The following ADAMTS2 variants were observed in gnomAD, a reference collection of about 807,000 sequenced individuals.
ADAMTS2 encodes the protein A disintegrin and metalloproteinase with thrombospondin motifs 2.
In ADAMTS2, 50 loss-of-function variants were observed where a neutral mutation model predicts 123.0. The observed-to-expected ratio is 0.41, with a 90% CI of 0.32 to 0.51. The LOEUF (loss-of-function observed/expected upper bound fraction) is 0.51. Ranked by LOEUF, ADAMTS2 falls within the 20% of genes least tolerant of loss-of-function variation. The pLI, the probability that ADAMTS2 is intolerant of heterozygous loss-of-function variation, is 0.35. For synonymous variants in ADAMTS2, 678 were observed against 695.4 expected (o/e 0.98, Z 0.39); for missense variants, 1,494 against 1,705.2 (o/e 0.88, Z 2.18).
intron 3 of ADAMTS2, among the ~76,000 whole-genome samples, chr5:179,252,234 C>G (rs1304084999): frequency 6.6e-6 from 1 of 151,890 alleles, no homozygotes; most frequent in Non-Finnish European, 1.5e-5. Flanking sequence ...GGTCTCGAAC[C>G]CCTGAGCTCA....
chr5:179,281,790 T>G (rs1205318519), intron 2 of ADAMTS2, among the ~76,000 whole-genome samples: 3 of 152,182 alleles, frequency 2.0e-5, no homozygotes, highest in African/African-American at 7.2e-5. Context: ...AGGGTTCAAT[T>G]TCCCCTCATC....
In ADAMTS2 at chr5:179,158,787, G is replaced by A. The variant is rs372834434; in HGVS notation, c.1068C>T (p.His356=). The change falls in exon 6 of 22, where the codon CAC becomes CAT. Residue 356 remains histidine (H), a synonymous_variant. Coordinates refer to ENST00000251582, the MANE Select transcript of ADAMTS2 (RefSeq NM_014244.5). This position sits in a 1 kb window ranked among gnomAD's most constrained non-coding sequence, Gnocchi z 5.0. ...AYLQQKPDTG[H]DEYHDHAIFL... ...AGATGGCGTGATCGTGGTATTCATC[G>A]TGGCCCGTGTCTGGCTTCTGCTGGA... is the stretch of plus-strand genomic sequence containing the variant. 25 of 1,614,234 alleles carry A rather than the reference G, an allele frequency of 1.5e-5. No individual in the cohort carries two copies. The highest frequency in any genetic ancestry group is 5.3e-5 in the African/African-American group (4 of 75,064).
chr5:179,238,737 C>T (rs1765592273), intron 3 of ADAMTS2, among the ~76,000 whole-genome samples: 1 of 152,232 alleles, frequency 6.6e-6, no homozygotes, highest in East Asian at 1.9e-4. Context: ...GGCGCTGGGT[C>T]GTGTGGGGTC....
At chr5:179,337,065 G>A (rs1047935155) in intron 2 of ADAMTS2, among the ~76,000 whole-genome samples, 1 of 152,198 alleles carries the variant, frequency 6.6e-6, no homozygotes, top group African/African-American at 2.4e-5. Context: ...TCCGGGCTCG[G>A]TAATAACTTC....
At chr5:179,275,077 C>T (rs1364987042) in intron 2 of ADAMTS2, among the ~76,000 whole-genome samples, 2 of 152,070 alleles carry the variant, frequency 1.3e-5, no homozygotes, top group South Asian at 2.1e-4. Context: ...GCACGGTGCC[C>T]GGTGGCCCAT....
intron 10 of ADAMTS2, among the ~76,000 whole-genome samples, chr5:179,145,037 T>A (rs553687982): frequency 4.5e-4 from 69 of 152,152 alleles, no homozygotes; most frequent in African/African-American, 1.6e-3. Flanking sequence ...ACTCTTAGGA[T>A]TCAATAATAA....
Position 179,128,131 on chromosome 5 carries a change from A to C in ADAMTS2, c.2458-13T>G. On this transcript the variant is annotated splice_polypyrimidine_tract_variant and intron_variant, in intron 16 of 21. Transcript: ENST00000251582. This position sits in a 1 kb window ranked among gnomAD's most constrained non-coding sequence, Gnocchi z 4.9. The stretch of plus-strand genomic sequence containing the variant: ...CCACCGGGATGACCTGTGCCAGCCC[A>C]AGAGCCTTGATGTGCCTGACCTGCC... 6.2e-7 allele frequency: 1 copy of C among 1,612,518 alleles called. No individual in the cohort carries two copies. Among genetic ancestry groups the C allele is most frequent in the Non-Finnish European group, 8.5e-7 (1 of 1,179,964 alleles).
chr5:179,337,234 G>A (rs1433369601), intron 2 of ADAMTS2, among the ~76,000 whole-genome samples: 2 of 152,020 alleles, frequency 1.3e-5, no homozygotes, highest in Non-Finnish European at 2.9e-5. Context: ...TGAGGGGGCT[G>A]GGGTCCTCCT....
At chr5:179,159,364 G>A (rs372392828) in intron 5 of ADAMTS2, among the ~76,000 whole-genome samples, 6 of 152,158 alleles carry the variant, frequency 3.9e-5, no homozygotes, top group East Asian at 1.9e-4. Flanking sequence ...CACCTTATAC[G>A]TTCCCCCCGT....
At chr5:179,255,900 C>T (rs1484759218) in intron 3 of ADAMTS2, among the ~76,000 whole-genome samples, 1 of 152,136 alleles carries the variant, frequency 6.6e-6, no homozygotes, top group Non-Finnish European at 1.5e-5. Flanking sequence ...GCACTGTGAC[C>T]CTACTGGACC....
At chr5:179,251,030 A>G (rs962576975) in intron 3 of ADAMTS2, among the ~76,000 whole-genome samples, 1 of 152,178 alleles carries the variant, frequency 6.6e-6, no homozygotes, top group African/African-American at 2.4e-5. Flanking sequence ...AGCCTCATGC[A>G]TTTGCTCACT....
rs955332431 is a variant in ADAMTS2, at chr5:179,308,478, G to A, written c.534+35289C>T. On this transcript the variant is annotated intron_variant, in intron 2 of 21. Transcript: ENST00000251582. The surrounding 1 kb of genome is among the most constrained non-coding windows in gnomAD (Gnocchi z 6.6). ...CAGCCGCCACTGTTCACGAGCAAGGGTGCAGGGGCACCAGAGCCCACAGGA... is the reference window on the plus strand; with the variant it reads ...CAGCCGCCACTGTTCACGAGCAAGGATGCAGGGGCACCAGAGCCCACAGGA... 6.6e-6 allele frequency among the ~76,000 whole-genome samples: 1 copy of A among 152,200 alleles called. No homozygotes were observed. The highest frequency in any genetic ancestry group is 1.5e-5 in the Non-Finnish European group (1 of 68,028).
chr5:179,223,647 T>C (rs113062183), intron 3 of ADAMTS2, among the ~76,000 whole-genome samples: 6 of 23,326 alleles, frequency 2.6e-4, no homozygotes, highest in East Asian at 0.062. Flanking sequence ...CACACACACA[T>C]ACACTCACAG....
intron 5 of ADAMTS2, 131 bp from the exon 6 acceptor site, chr5:179,159,010 C>T (rs372378123): frequency 4.2e-5 from 52 of 1,238,492 alleles, no homozygotes; most frequent in South Asian, 3.9e-4. Flanking sequence ...AGGCCCTGCC[C>T]GGTCACTCTC....
At chr5:179,273,182 G>A (rs1766594692) in intron 2 of ADAMTS2, 118 bp from the exon 3 acceptor site, 1 of 1,483,264 alleles carries the variant, frequency 6.7e-7, no homozygotes, top group Non-Finnish European at 9.3e-7. Flanking sequence ...CAGCACCCCA[G>A]CTGGTGCTCA....
chr5:179,317,754 G>A lies in ADAMTS2; in HGVS notation c.534+26013C>T, dbSNP rs549130425. On this transcript the variant is annotated intron_variant, in intron 2 of 21. Transcript: ENST00000251582. The surrounding 1 kb of genome is among the most constrained non-coding windows in gnomAD (Gnocchi z 4.9). Reference sequence around the variant, plus strand: ...CAGCACGCGTCTAGGGGAGGTTAGCGTGCCAGCACCAGCTGAGACTCCCTG... The same window carrying A: ...CAGCACGCGTCTAGGGGAGGTTAGCATGCCAGCACCAGCTGAGACTCCCTG... 7.2e-5 allele frequency among the ~76,000 whole-genome samples: 11 copies of A among 152,328 alleles called. No individual in the cohort carries two copies. Among genetic ancestry groups the A allele is most frequent in the South Asian group, 2.1e-4 (1 of 4,830 alleles).
chr5:179,283,549 C>CAAAAAAAAAAAAAAAAAAAAAAAAA (rs3986816), intron 2 of ADAMTS2, among the ~76,000 whole-genome samples: 1 of 51,342 alleles, frequency 1.9e-5, no homozygotes, highest in African/African-American at 9.5e-5. Flanking sequence ...AGAAAAACAG[C>CAAAAAAAAAAAAAAAAAAAAAAAAA]AAAAAAAAAA....
chr5:179,337,282 T>C (rs1463432739), intron 2 of ADAMTS2, among the ~76,000 whole-genome samples: 1 of 152,044 alleles, frequency 6.6e-6, no homozygotes, highest in Non-Finnish European at 1.5e-5. Flanking sequence ...AGGCCCCTCT[T>C]CTACAGAGTG....
In ADAMTS2 at chr5:179,124,847, G is replaced by C. The variant is rs945152108; in HGVS notation, c.2958+126C>G. Reference sequence around the variant, plus strand: ...GGCTCTCAGGCCGGGCGTCATTGCAGTGCTTGGCATGCACGGAGCGGGTGG... The same window carrying C: ...GGCTCTCAGGCCGGGCGTCATTGCACTGCTTGGCATGCACGGAGCGGGTGG... On this transcript the variant is annotated intron_variant, in intron 19 of 21. Transcript: ENST00000251582. The C allele has an allele frequency of 3.1e-5, 49 of 1,599,818 alleles. No homozygotes were observed. In the African/African-American group the frequency reaches 5.1e-4, roughly 17 times the overall value.
Sources: gnomAD v4.1 joint callset for allele counts (sites outside exome capture counted in the v4.1 genomes callset) on GRCh38, gnomAD v4.1.1 for gene constraint, Gnocchi (gnomAD v3.1) non-coding constraint, MANE v1.5 for transcripts, NCBI Gene and HGNC (gene_info 2026-07-23, HGNC 2026-07-21) for gene names.